The following FSTL4 variants were observed in gnomAD, a reference collection of about 807,000 sequenced individuals.
FSTL4 encodes follistatin-related protein 4.
Under a neutral mutation model 78.2 loss-of-function variants are expected in FSTL4, and 28 were observed. The observed-to-expected ratio is 0.36, with a 90% CI of 0.27 to 0.49. The LOEUF (loss-of-function observed/expected upper bound fraction) is 0.49. FSTL4 is among the 20% of genes least tolerant of loss of function. FSTL4 has a pLI of 0.98. For synonymous variants in FSTL4, 422 were observed against 440.5 expected, an observed-to-expected ratio of 0.96 and a Z score of 0.53; for missense variants, 922 against 1,084.9, an observed-to-expected ratio of 0.85 and a Z score of 2.11.
intron 12 of FSTL4, among the ~76,000 whole-genome samples, chr5:133,218,080 T>C (rs1292777756): frequency 6.6e-6 from 1 of 152,192 alleles, no homozygotes; most frequent in Non-Finnish European, 1.5e-5. Flanking sequence ...ACCAACTGCC[T>C]AGCTCCACTT....
At chr5:133,296,024 C>T (rs1381379646) in intron 6 of FSTL4, among the ~76,000 whole-genome samples, 1 of 152,194 alleles carries the variant, frequency 6.6e-6, no homozygotes, top group African/African-American at 2.4e-5. Flanking sequence ...TCAACACTGC[C>T]ACTTGAATGT....
At chr5:133,375,285 G>A (rs1755401727) in intron 4 of FSTL4, among the ~76,000 whole-genome samples, 1 of 28,992 alleles carries the variant, frequency 3.4e-5, no homozygotes, top group Non-Finnish European at 1.2e-4. Flanking sequence ...CATAGGGTGT[G>A]CATGGCATAT....
chr5:133,559,708 C>T (rs749899161), intron 3 of FSTL4, among the ~76,000 whole-genome samples: 4 of 152,228 alleles, frequency 2.6e-5, no homozygotes, highest in Non-Finnish European at 5.9e-5. Context: ...CCTGCCCACA[C>T]CGACCTATAG....
chr5:133,398,610 C>T (rs1443457981), intron 4 of FSTL4, among the ~76,000 whole-genome samples: 1 of 152,248 alleles, frequency 6.6e-6, no homozygotes, highest in African/African-American at 2.4e-5. Context: ...GTCTCATGAA[C>T]ACCAAATCCA....
intron 3 of FSTL4, among the ~76,000 whole-genome samples, chr5:133,431,483 C>T (rs1463808706): frequency 3.3e-5 from 5 of 152,120 alleles, no homozygotes; most frequent in African/African-American, 4.8e-5. Flanking sequence ...CAGGAGAGAC[C>T]GGGAGGAGAT....
the FSTL4 span, among the ~76,000 whole-genome samples, chr5:133,736,093 C>T: frequency 1.3e-5 from 2 of 152,142 alleles, no homozygotes; most frequent in African/African-American, 4.8e-5. Flanking sequence ...GTACCAGGAA[C>T]CAACTGTGCA....
At chr5:133,734,300 G>C in the FSTL4 span, among the ~76,000 whole-genome samples, 1 of 152,156 alleles carries the variant, frequency 6.6e-6, no homozygotes, top group Non-Finnish European at 1.5e-5. Context: ...TTATATTATG[G>C]ATAGGTCTTA....
At chr5:133,593,184 T>A (rs1243248426) in intron 2 of FSTL4, among the ~76,000 whole-genome samples, 1 of 151,870 alleles carries the variant, frequency 6.6e-6, no homozygotes, top group Non-Finnish European at 1.5e-5. Flanking sequence ...GTCCAGAACC[T>A]CAACAGCCCC....
chr5:133,550,950 T>A (rs990993643), intron 3 of FSTL4, among the ~76,000 whole-genome samples: 3 of 152,222 alleles, frequency 2.0e-5, no homozygotes, highest in African/African-American at 7.2e-5. Flanking sequence ...TATGTGGTCA[T>A]TGTACACTTA....
the FSTL4 span, among the ~76,000 whole-genome samples, chr5:133,831,117 A>G: frequency 6.6e-6 from 1 of 152,172 alleles, no homozygotes; most frequent in Non-Finnish European, 1.5e-5. Flanking sequence ...GGTTCCACAC[A>G]GCCCATGAGC....
intron 4 of FSTL4, among the ~76,000 whole-genome samples, chr5:133,321,197 G>T (rs1199606987): frequency 2.0e-5 from 3 of 152,130 alleles, no homozygotes; most frequent in African/African-American, 7.2e-5. Flanking sequence ...CACTGGGCAT[G>T]CTCCTGCCCA....
At chr5:133,496,656 A>G (rs940354132) in intron 3 of FSTL4, among the ~76,000 whole-genome samples, 1 of 152,188 alleles carries the variant, frequency 6.6e-6, no homozygotes, top group Non-Finnish European at 1.5e-5. Context: ...GGGAGGCTCC[A>G]TAGGAAATGC....
In FSTL4 at chr5:133,583,330, A is replaced by G. The variant is rs904857228; in HGVS notation, c.127-16111T>C. 5.0e-6 allele frequency: 2 copies of G among 403,098 alleles called. 1 individual carries two copies. The highest frequency in any genetic ancestry group is 6.0e-5 in the Admixed American group (2 of 33,410). 25.0% of individuals were successfully genotyped at this position (403,098 alleles called of 1,614,324 possible). A position where few individuals can be genotyped will look rare whatever the true frequency, so the allele number is the denominator to read the frequency against. On this transcript the variant is annotated intron_variant, in intron 2 of 15. Coordinates refer to ENST00000265342, the MANE Select transcript of FSTL4 (RefSeq NM_015082.2). ...CCGAATAGGAACAGCTCCGGTCTAC[A>G]GCTCCCAGCGTGAGCGACGCAGAAG...
At chr5:133,714,424 C>T in the FSTL4 span, among the ~76,000 whole-genome samples, 40 of 152,286 alleles carry the variant, frequency 2.6e-4, no homozygotes, top group South Asian at 4.2e-3. Flanking sequence ...GCCAAGCCCA[C>T]GCTCTTAACC....
intron 4 of FSTL4, among the ~76,000 whole-genome samples, chr5:133,355,231 A>G (rs2126929716): frequency 6.6e-6 from 1 of 152,366 alleles, no homozygotes; most frequent in East Asian, 1.9e-4. Context: ...CTCCTCAGCT[A>G]TTCCCAGACA....
At chr5:133,621,474 T>C in the FSTL4 span, among the ~76,000 whole-genome samples, 1 of 152,318 alleles carries the variant, frequency 6.6e-6, no homozygotes, top group East Asian at 1.9e-4. Context: ...GATTAGAGAC[T>C]GTTATTCTAA....
At chr5:133,591,701 C>G (rs1423727033) in intron 2 of FSTL4, among the ~76,000 whole-genome samples, 2 of 152,054 alleles carry the variant, frequency 1.3e-5, no homozygotes, top group Admixed American at 6.5e-5. Context: ...AGTCTGGGGC[C>G]CAGAGCTGCA....
At chr5:133,450,264 C>T (rs1325544309) in intron 3 of FSTL4, among the ~76,000 whole-genome samples, 3 of 152,340 alleles carry the variant, frequency 2.0e-5, no homozygotes, top group East Asian at 1.9e-4. Context: ...GGTCCATTCT[C>T]TTTATGACAT....
chr5:133,726,323 C>A, the FSTL4 span, among the ~76,000 whole-genome samples: 1 of 152,176 alleles, frequency 6.6e-6, no homozygotes, highest in African/African-American at 2.4e-5. Flanking sequence ...ACTTGGTATC[C>A]AGAGACGCCA....
Sources: gnomAD v4.1 joint callset for allele counts (sites outside exome capture counted in the v4.1 genomes callset) on GRCh38, gnomAD v4.1.1 for gene constraint, MANE v1.5 for transcripts, NCBI Gene and HGNC (gene_info 2026-07-23, HGNC 2026-07-21) for gene names.